The following RIPOR2 variants were observed in gnomAD, a reference collection of about 807,000 sequenced individuals.
The protein encoded by RIPOR2 is rho family-interacting cell polarization regulator 2.
In RIPOR2, 39 loss-of-function variants were observed where a neutral mutation model predicts 114.5. The ratio of observed to expected loss-of-function variants is 0.34; its 90% CI spans 0.26 to 0.44. The LOEUF (loss-of-function observed/expected upper bound fraction) is 0.44. RIPOR2 is among the 20% of genes least tolerant of loss of function. The pLI, the probability that RIPOR2 is intolerant of heterozygous loss-of-function variation, is 1.00. For synonymous variants in RIPOR2, 445 were observed against 484.4 expected (o/e 0.92, Z 1.07); for missense variants, 1,007 against 1,255.1 (o/e 0.80, Z 2.99).
At chr6:24,884,582 A>G (rs1162898989) in intron 1 of RIPOR2, among the ~76,000 whole-genome samples, 1 of 152,198 alleles carries the variant, frequency 6.6e-6, no homozygotes, top group Non-Finnish European at 1.5e-5. Flanking sequence ...AACTCAACAG[A>G]GCCTCACTCC....
chr6:24,978,642 G>A (rs928207325), intron 1 of RIPOR2, among the ~76,000 whole-genome samples: 3 of 152,144 alleles, frequency 2.0e-5, no homozygotes, highest in Admixed American at 1.3e-4. Flanking sequence ...ATGGTGAATG[G>A]AGGTTGGGAA....
chr6:24,965,134 A>T (rs7744653), intron 1 of RIPOR2, among the ~76,000 whole-genome samples: 3 of 42,476 alleles, frequency 7.1e-5, no homozygotes, highest in African/African-American at 1.1e-4. Context: ...ACATTTTTTT[A>T]TTTTTTATTT....
chr6:24,844,489 A>G (rs566003713), intron 12 of RIPOR2, among the ~76,000 whole-genome samples: 2 of 145,220 alleles, frequency 1.4e-5, no homozygotes, highest in East Asian at 4.0e-4. Flanking sequence ...TTTTTTTTTG[A>G]GACAGAGTTT....
At chr6:24,960,741 G>C (rs1029750508) in intron 1 of RIPOR2, among the ~76,000 whole-genome samples, 2 of 152,192 alleles carry the variant, frequency 1.3e-5, no homozygotes, top group African/African-American at 4.8e-5. Context: ...TGTTGCCCAG[G>C]CTCATCTCAA....
chr6:24,995,492 G>A (rs370590418), intron 1 of RIPOR2, among the ~76,000 whole-genome samples: 85 of 152,318 alleles, frequency 5.6e-4, no homozygotes, highest in Non-Finnish European at 6.0e-4. Context: ...TGCCAATCCC[G>A]GCAACTCAAT....
At chr6:24,957,437 C>T (rs912013978) in intron 1 of RIPOR2, among the ~76,000 whole-genome samples, 2 of 152,190 alleles carry the variant, frequency 1.3e-5, no homozygotes, top group South Asian at 2.1e-4. Context: ...GAAAAGTTAA[C>T]TGGCAATTCC....
intron 7 of RIPOR2, among the ~76,000 whole-genome samples, chr6:24,861,514 G>T (rs1343405146): frequency 6.6e-6 from 1 of 152,140 alleles, no homozygotes; most frequent in African/African-American, 2.4e-5. Flanking sequence ...AATTCTATGG[G>T]ATGATTGTCA....
chr6:24,924,537 G>C lies in RIPOR2; in HGVS notation c.61+11301C>G, dbSNP rs376955257. On this transcript the variant is annotated intron_variant, in intron 1 of 21. Transcript: ENST00000643898. ...CTCCTTTTATAGGATGTTGCCTTCT[G>C]TTCCCTCCCCAACCCAAGGCATTCT... 1.6e-4 allele frequency among the ~76,000 whole-genome samples: 25 copies of C among 152,192 alleles called. No individual in the cohort carries two copies. In the East Asian group the frequency reaches 3.9e-3, roughly 23 times the overall value.
intron 1 of RIPOR2, chr6:24,977,035 G>A (rs1774092545): frequency 2.8e-6 from 4 of 1,430,562 alleles, no homozygotes; most frequent in East Asian, 4.6e-5. Flanking sequence ...TAGCTCAGGA[G>A]AGCACCCCTC....
intron 1 of RIPOR2, among the ~76,000 whole-genome samples, chr6:24,974,697 A>G (rs1055936016): frequency 1.1e-4 from 16 of 152,356 alleles, no homozygotes; most frequent in Non-Finnish European, 2.9e-5. Context: ...AAAAACATGT[A>G]TGCAAATGTT....
At chr6:24,967,967 T>TAG (rs1356104375) in intron 1 of RIPOR2, among the ~76,000 whole-genome samples, 4 of 148,454 alleles carry the variant, frequency 2.7e-5, no homozygotes, top group African/African-American at 1.0e-4. Flanking sequence ...GGCTGGAGTG[T>TAG]AGTGGCGTGA....
At chr6:24,939,099 T>A (rs1230821060), upstream of RIPOR2, among the ~76,000 whole-genome samples, 4 of 152,180 alleles carry the variant, frequency 2.6e-5, no homozygotes, top group Non-Finnish European at 5.9e-5. Context: ...AACCCTAAGA[T>A]ATAGATATAT....
At chr6:25,029,488 C>G (rs1776810817) in intron 1 of RIPOR2, among the ~76,000 whole-genome samples, 1 of 150,942 alleles carries the variant, frequency 6.6e-6, no homozygotes, top group South Asian at 2.1e-4. Context: ...AAACTCTGGC[C>G]TGGACACAAA....
chr6:24,933,016 A>T (rs373674157), intron 1 of RIPOR2, among the ~76,000 whole-genome samples: 2 of 152,188 alleles, frequency 1.3e-5, no homozygotes, highest in East Asian at 3.8e-4. Flanking sequence ...AAAGAAGATA[A>T]ATGACTTGCC....
intron 1 of RIPOR2, among the ~76,000 whole-genome samples, chr6:25,017,207 C>T (rs561184840): frequency 4.6e-5 from 7 of 152,204 alleles, no homozygotes; most frequent in South Asian, 4.2e-4. Flanking sequence ...AGGTAATCCC[C>T]GTTACTTGGG....
chr6:24,899,606 C>T (rs1264899996), intron 1 of RIPOR2, among the ~76,000 whole-genome samples: 1 of 152,188 alleles, frequency 6.6e-6, no homozygotes, highest in Non-Finnish European at 1.5e-5. Flanking sequence ...GCATAATTCT[C>T]CTATGCATAA....
At chr6:24,901,745 AAC>A (rs1768461807) in intron 1 of RIPOR2, among the ~76,000 whole-genome samples, 1 of 152,174 alleles carries the variant, frequency 6.6e-6, no homozygotes, top group African/African-American at 2.4e-5. Flanking sequence ...CCTCCAGAGA[AAC>A]ACAGTTTTTG....
intron 8 of RIPOR2, among the ~76,000 whole-genome samples, chr6:24,857,546 A>G (rs1049157051): frequency 3.3e-5 from 5 of 152,116 alleles, no homozygotes; most frequent in African/African-American, 1.2e-4. Flanking sequence ...AACGCTCTAC[A>G]TCATTTTTCC....
chr6:24,992,822 A>G (rs1774882332), intron 1 of RIPOR2, among the ~76,000 whole-genome samples: 2 of 152,214 alleles, frequency 1.3e-5, no homozygotes, highest in African/African-American at 4.8e-5. Context: ...AATATACTAC[A>G]AGGCTATAGT....
Sources: gnomAD v4.1 joint callset for allele counts (sites outside exome capture counted in the v4.1 genomes callset) on GRCh38, gnomAD v4.1.1 for gene constraint, MANE v1.5 for transcripts, NCBI Gene and HGNC (gene_info 2026-07-23, HGNC 2026-07-21) for gene names.